Variants in GRM8 observed in about 807,000 individuals in gnomAD.
GRM8 encodes the protein glutamate metabotropic receptor 8.
In GRM8, 47 loss-of-function variants were observed where a neutral mutation model predicts 87.2. The ratio of observed to expected loss-of-function variants is 0.54; its 90% CI spans 0.43 to 0.69. The LOEUF (loss-of-function observed/expected upper bound fraction) is 0.69, where lower values mean the gene tolerates loss of function less well. Among genes scored for constraint, GRM8 ranks in the 30% least tolerant of loss-of-function variants. The pLI, the probability that GRM8 is intolerant of heterozygous loss-of-function variation, is 0.00. For synonymous variants in GRM8, 396 were observed against 404.5 expected, an observed-to-expected ratio of 0.98 and a Z score of 0.25; for missense variants, 1,019 against 1,139.2, an observed-to-expected ratio of 0.89 and a Z score of 1.52.
chr7:127,166,162 T>C (rs557290607), intron 2 of GRM8, among the ~76,000 whole-genome samples: 6 of 152,272 alleles, frequency 3.9e-5, no homozygotes, highest in Admixed American at 2.6e-4. Flanking sequence ...CTATATAAAA[T>C]AATACAGGAT....
chr7:126,739,403 T>C (rs1002072135), intron 7 of GRM8, among the ~76,000 whole-genome samples: 25 of 129,966 alleles, frequency 1.9e-4, no homozygotes, highest in Non-Finnish European at 3.5e-4. Flanking sequence ...CAAAATTGTG[T>C]TTGCACACAC....
chr7:126,920,228 C>T (rs1306629008), intron 3 of GRM8, among the ~76,000 whole-genome samples: 1 of 152,152 alleles, frequency 6.6e-6, no homozygotes, highest in African/African-American at 2.4e-5. Flanking sequence ...CCCAACCAGG[C>T]TAACATCCTA....
In GRM8 at chr7:126,902,556, A is replaced by C; in HGVS notation, c.1142T>G (p.Ile381Arg). 1 of 1,602,438 alleles carries C rather than the reference A, an allele frequency of 6.2e-7. No individual in the cohort carries two copies. The highest frequency in any genetic ancestry group is 8.5e-7 in the Non-Finnish European group (1 of 1,175,662). ...LGSHGKRNSH[I>R]KKCTGLERIA... is the part of the protein sequence containing the mutation. ...TGAGTGGTTACCTGTGCATTTCTTT[A>C]TATGACTGTTCCTTTTCCCATGTGA... Residue 381 changes from isoleucine (I) to arginine (R), a missense_variant, in exon 6 of 11, where the codon ATA becomes AGA. Ile to Arg is a moderately conservative substitution (Grantham distance 97). Coordinates refer to ENST00000339582, the MANE Select transcript of GRM8 (RefSeq NM_000845.3).
intron 6 of GRM8, chr7:126,869,917 A>G (rs898274466): frequency 3.1e-5 from 4 of 130,032 alleles, no homozygotes; most frequent in Non-Finnish European, 4.7e-5. Context: ...CCAGGTATTG[A>G]CTTTTCCTCA....
intron 3 of GRM8, among the ~76,000 whole-genome samples, chr7:127,015,372 A>G: frequency 6.6e-6 from 1 of 152,082 alleles, no homozygotes; most frequent in Non-Finnish European, 1.5e-5. Context: ...AGACCAAACC[A>G]CTGTGTCCAG....
rs548991694 is a variant in GRM8 at position 126,510,872 on chromosome 7, T to C, written c.2430+22080A>G. ...ATTTGTGAAATATTTTGACCAAAAT[T>C]AGAAGTAAGTCTTTAGAGATAACTA... On this transcript the variant is annotated intron_variant, in intron 9 of 10. Transcript: ENST00000339582. Among the ~76,000 whole-genome samples the C allele has an allele frequency of 4.6e-5, 7 of 152,192 alleles. No homozygotes were observed. In the South Asian group the frequency reaches 1.0e-3, roughly 23 times the overall value.
chr7:126,827,550 T>C (rs1794941978), intron 6 of GRM8, among the ~76,000 whole-genome samples: 1 of 152,228 alleles, frequency 6.6e-6, no homozygotes, highest in South Asian at 2.1e-4. Flanking sequence ...CTTGTGATTT[T>C]TGTACTTTGA....
rs1440365415 is a variant in GRM8 at position 127,012,484 on chromosome 7, G to GA, written c.727+94011dup. The stretch of plus-strand genomic sequence containing the variant: ...TAAATATTTTAATTTTTTGCAATGT[G>GA]AAAAAAATTTAAATACTCCATAATT... On this transcript the variant is annotated intron_variant, in intron 3 of 10. Coordinates refer to ENST00000339582, the MANE Select transcript of GRM8 (RefSeq NM_000845.3). Among the ~76,000 whole-genome samples the GA allele has an allele frequency of 3.9e-5, 6 of 152,098 alleles. No homozygotes were observed. The East Asian group carries it at 1.2e-3, about 29-fold the overall frequency.
intron 3 of GRM8, among the ~76,000 whole-genome samples, chr7:126,986,642 T>C (rs1307720642): frequency 6.6e-6 from 1 of 152,144 alleles, no homozygotes; most frequent in African/African-American, 2.4e-5. Context: ...TCCATATACA[T>C]TAATATACAG....
Position 127,214,811 on chromosome 7 carries a change from CT to C in GRM8, c.510+27883del, listed in dbSNP as rs201766297. On this transcript the variant is annotated intron_variant, in intron 2 of 10. Coordinates refer to ENST00000339582, the MANE Select transcript of GRM8 (RefSeq NM_000845.3). Reference sequence around the variant, plus strand: ...GTCAAACCATATCAGATGTTAAAACCTTTTTTTTCCTTTTTGAGTTGTCAGT... The same window carrying C: ...GTCAAACCATATCAGATGTTAAAACCTTTTTTTCCTTTTTGAGTTGTCAGT... Among the ~76,000 whole-genome samples, 1,024 of 151,998 alleles carry C rather than the reference CT, an allele frequency of 6.7e-3. 9 individuals carry two copies. The highest frequency in any genetic ancestry group is 0.016 in the South Asian group (78 of 4,806).
intron 3 of GRM8, among the ~76,000 whole-genome samples, chr7:127,040,020 GT>G (rs1818256996): frequency 5.5e-5 from 3 of 54,844 alleles, no homozygotes; most frequent in Admixed American, 1.7e-4. Context: ...GGAGGGGAGG[GT>G]GAGGAGGGAG....
intron 8 of GRM8, among the ~76,000 whole-genome samples, chr7:126,575,791 T>C (rs1032717246): frequency 6.6e-6 from 1 of 152,220 alleles, no homozygotes; most frequent in Non-Finnish European, 1.5e-5. Flanking sequence ...CCTAAGGCAG[T>C]ATAATGAGTT....
chr7:126,455,201 A>G (rs1803083928), intron 9 of GRM8, among the ~76,000 whole-genome samples: 1 of 151,716 alleles, frequency 6.6e-6, no homozygotes. Context: ...ATTTTTGAGA[A>G]TTACACAGTC....
At chr7:127,081,142 C>G (rs147053396) in intron 3 of GRM8, among the ~76,000 whole-genome samples, 7 of 152,124 alleles carry the variant, frequency 4.6e-5, no homozygotes, top group African/African-American at 1.4e-4. Flanking sequence ...TAGAATAGCA[C>G]GAAAGGTCCT....
At chr7:126,644,459 C>T (rs910160378) in intron 7 of GRM8, among the ~76,000 whole-genome samples, 4 of 152,052 alleles carry the variant, frequency 2.6e-5, no homozygotes, top group Non-Finnish European at 5.9e-5. Flanking sequence ...ATGATACATC[C>T]CCAAGGACAG....
At chr7:126,536,366 T>C (rs1201852500) in intron 8 of GRM8, among the ~76,000 whole-genome samples, 4 of 152,194 alleles carry the variant, frequency 2.6e-5, no homozygotes, top group East Asian at 3.9e-4. Context: ...TCTATCCTTT[T>C]AGAGGGCTGT....
At chr7:126,857,169 G>C (rs1449209477) in intron 6 of GRM8, among the ~76,000 whole-genome samples, 1 of 152,156 alleles carries the variant, frequency 6.6e-6, no homozygotes, top group East Asian at 1.9e-4. Flanking sequence ...TCAAATAATA[G>C]GGAAAATTCT....
At chr7:127,032,745 G>T (rs1240412240) in intron 3 of GRM8, among the ~76,000 whole-genome samples, 2 of 152,090 alleles carry the variant, frequency 1.3e-5, no homozygotes, top group Non-Finnish European at 2.9e-5. Context: ...TCCCCAGTAT[G>T]GATCTCTTCC....
intron 2 of GRM8, among the ~76,000 whole-genome samples, chr7:127,192,905 A>T (rs546538967): frequency 6.6e-6 from 1 of 152,056 alleles, no homozygotes. Flanking sequence ...CCCTAAAGGT[A>T]TCTCATGTTT....
Sources: gnomAD v4.1 joint callset for allele counts (sites outside exome capture counted in the v4.1 genomes callset) on GRCh38, gnomAD v4.1.1 for gene constraint, MANE v1.5 for transcripts, NCBI Gene and HGNC (gene_info 2026-07-23, HGNC 2026-07-21) for gene names.